Variants in IPCEF1 observed in about 807,000 individuals in gnomAD.
IPCEF1 encodes the protein interaction protein for cytohesin exchange factors 1, also known as interactor protein for cytohesin exchange factors 1.
A neutral mutation model predicts 50.9 loss-of-function variants in IPCEF1; 31 were observed. The ratio of observed to expected loss-of-function variants is 0.61; its 90% CI spans 0.46 to 0.82. The LOEUF is 0.82. Ranked by LOEUF, IPCEF1 falls within the 40% of genes least tolerant of loss-of-function variation. IPCEF1 has a pLI of 0.00. For missense variants in IPCEF1, 458 were observed against 514.0 expected, an observed-to-expected ratio of 0.89 and a Z score of 1.05; for synonymous variants, 181 against 192.0, an observed-to-expected ratio of 0.94 and a Z score of 0.47.
chr6:154,229,824 T>C (rs952281664), intron 5 of IPCEF1, among the ~76,000 whole-genome samples: 1 of 152,224 alleles, frequency 6.6e-6, no homozygotes, highest in African/African-American at 2.4e-5. Context: ...ACAACCTAAA[T>C]GTCCATCAGC....
At chr6:154,253,411 A>AT (rs1224622128) in intron 3 of IPCEF1, among the ~76,000 whole-genome samples, 1 of 152,114 alleles carries the variant, frequency 6.6e-6, no homozygotes. Flanking sequence ...CAGACATTTA[A>AT]TTTTCACTAT....
intron 1 of IPCEF1, among the ~76,000 whole-genome samples, chr6:154,343,803 C>T (rs937865268): frequency 2.0e-5 from 3 of 152,186 alleles, no homozygotes; most frequent in Non-Finnish European, 2.9e-5. Context: ...AAGCCCGGCT[C>T]TTAGAACTGG....
At chr6:154,283,164 C>T (rs1005359828) in intron 2 of IPCEF1, among the ~76,000 whole-genome samples, 21 of 151,374 alleles carry the variant, frequency 1.4e-4, no homozygotes, top group Non-Finnish European at 3.1e-4. Flanking sequence ...GGCATGGTGG[C>T]GCAGGCCTAT....
At chr6:154,268,754 C>CTT (rs35590430) in intron 2 of IPCEF1, among the ~76,000 whole-genome samples, 13 of 146,478 alleles carry the variant, frequency 8.9e-5, no homozygotes, top group East Asian at 4.0e-4. Context: ...TACTCATTGT[C>CTT]TTTTTTTTTT....
chr6:154,190,916 C>T (rs1032887048), intron 10 of IPCEF1, among the ~76,000 whole-genome samples: 18 of 152,008 alleles, frequency 1.2e-4, no homozygotes, highest in African/African-American at 3.9e-4. Context: ...ATTAGCTGGG[C>T]GTGGTGGCAG....
At chr6:154,188,707 C>T (rs1801598878) in intron 10 of IPCEF1, among the ~76,000 whole-genome samples, 1 of 152,202 alleles carries the variant, frequency 6.6e-6, no homozygotes, top group Admixed American at 6.5e-5. Context: ...GTCTAAAAAG[C>T]ACCAGCACTC....
chr6:154,205,934 C>G (rs1411409812), intron 9 of IPCEF1, among the ~76,000 whole-genome samples: 18 of 152,050 alleles, frequency 1.2e-4, no homozygotes. Flanking sequence ...TCCCCTTTAC[C>G]TGGCTATGCT....
intron 1 of IPCEF1, among the ~76,000 whole-genome samples, chr6:154,292,795 C>T (rs1334774173): frequency 1.3e-5 from 2 of 152,158 alleles, no homozygotes; most frequent in African/African-American, 2.4e-5. Context: ...TGGGTATTAA[C>T]TTAAAAGTGG....
At chr6:154,221,156 A>C in intron 7 of IPCEF1, 101 bp downstream of exon 7, 2 of 821,158 alleles carry the variant, frequency 2.4e-6, no homozygotes, top group Non-Finnish European at 1.9e-6. Context: ...TAACAGAAAT[A>C]AAATAATAAT....
At chr6:154,223,338 G>T in intron 5 of IPCEF1, 95 bp from the exon 6 acceptor site, 1 of 955,326 alleles carries the variant, frequency 1.0e-6, no homozygotes, top group Non-Finnish European at 1.6e-6. Context: ...TGGTATAAAT[G>T]ACATGAGGGA....
At chr6:154,255,592 A>T (rs1781441025) in intron 3 of IPCEF1, among the ~76,000 whole-genome samples, 1 of 152,224 alleles carries the variant, frequency 6.6e-6, no homozygotes, top group Non-Finnish European at 1.5e-5. Flanking sequence ...GGAAAATTTT[A>T]AAAGGTCTTC....
At chr6:154,282,830 G>A (rs1782257316) in intron 2 of IPCEF1, among the ~76,000 whole-genome samples, 1 of 151,996 alleles carries the variant, frequency 6.6e-6, no homozygotes, top group African/African-American at 2.4e-5. Context: ...TTTTTTCTGG[G>A]GTGTCAGCCA....
chr6:154,275,922 GT>G (rs1202049112), intron 2 of IPCEF1, among the ~76,000 whole-genome samples: 1 of 152,144 alleles, frequency 6.6e-6, no homozygotes, highest in African/African-American at 2.4e-5. Flanking sequence ...ACTCACGCCT[GT>G]AATCCTAGCA....
chr6:154,208,730 T>C (rs955354151), intron 9 of IPCEF1, among the ~76,000 whole-genome samples: 1 of 152,244 alleles, frequency 6.6e-6, no homozygotes, highest in Non-Finnish European at 1.5e-5. Context: ...GTGACTTTTA[T>C]AGCTCTTAAC....
chr6:154,196,602 G>A (rs1454438476), intron 10 of IPCEF1, among the ~76,000 whole-genome samples: 11 of 152,170 alleles, frequency 7.2e-5, no homozygotes, highest in Non-Finnish European at 1.2e-4. Flanking sequence ...ATTGTCAGCA[G>A]GTAGTGTGTG....
intron 10 of IPCEF1, among the ~76,000 whole-genome samples, chr6:154,198,197 G>A (rs895863095): frequency 5.9e-5 from 9 of 152,164 alleles, no homozygotes; most frequent in Non-Finnish European, 5.9e-5. Context: ...CTTATGCTGA[G>A]CATGAATCTA....
At chr6:154,296,936 T>C (rs1782679742) in intron 1 of IPCEF1, among the ~76,000 whole-genome samples, 2 of 152,120 alleles carry the variant, frequency 1.3e-5, no homozygotes, top group Admixed American at 6.5e-5. Flanking sequence ...CCAGCCACAG[T>C]GGAAGTCAGG....
chr6:154,159,692 C>T lies in IPCEF1; in HGVS notation c.*136G>A, dbSNP rs761229952. 31 of 677,346 alleles carry T rather than the reference C, an allele frequency of 4.6e-5. No homozygotes were observed. The highest frequency in any genetic ancestry group is 1.4e-4 in the Admixed American group (5 of 34,642). The allele number at this position is 677,346 out of a possible 1,614,324, so 42.0% of individuals were successfully genotyped here. On this transcript the variant is annotated 3_prime_UTR_variant, in exon 12 of 12. Coordinates refer to ENST00000367220, the MANE Select transcript of IPCEF1 (RefSeq NM_001130700.2). ...GTATTCGGTGATTATCTTCATCTAA[C>T]GTGCATCTTTAGATGGGAAGCTGAT...
chr6:154,251,326 G>A (rs1172316095), intron 3 of IPCEF1, among the ~76,000 whole-genome samples: 3 of 152,132 alleles, frequency 2.0e-5, no homozygotes, highest in African/African-American at 7.2e-5. Context: ...GGGGTGGGAG[G>A]ATGTCTTGAG....
Sources: gnomAD v4.1 joint callset for allele counts (sites outside exome capture counted in the v4.1 genomes callset) on GRCh38, gnomAD v4.1.1 for gene constraint, MANE v1.5 for transcripts, NCBI Gene and HGNC (gene_info 2026-07-23, HGNC 2026-07-21) for gene names.